Variants in NTN1 observed in about 807,000 individuals in gnomAD.
NTN1 encodes netrin 1, also known as netrin-1.
In NTN1, 11 loss-of-function variants were observed where a neutral mutation model predicts 54.2. That is an observed-to-expected ratio of 0.20 (90% CI 0.13 to 0.34). The LOEUF (loss-of-function observed/expected upper bound fraction) is 0.34. NTN1 is among the 10% of genes least tolerant of loss of function. NTN1 has a pLI of 1.00. For synonymous variants in NTN1, 371 were observed against 382.0 expected (o/e 0.97, Z 0.33); for missense variants, 740 against 893.1 (o/e 0.83, Z 2.18).
At chr17:9,218,378 G>A (rs1905258408) in intron 5 of NTN1, among the ~76,000 whole-genome samples, 1 of 152,230 alleles carries the variant, frequency 6.6e-6, no homozygotes, top group Admixed American at 6.5e-5. Flanking sequence ...ACAGTGCCCA[G>A]CGCCTCATTA....
chr17:9,092,051 G>C (rs1202050054), intron 2 of NTN1, among the ~76,000 whole-genome samples: 1 of 150,498 alleles, frequency 6.6e-6, no homozygotes, highest in East Asian at 2.0e-4. Context: ...CACCACGTCC[G>C]GCTAATTTTT....
At chr17:9,133,897 G>GC (rs1466813653) in intron 2 of NTN1, among the ~76,000 whole-genome samples, 2 of 131,936 alleles carry the variant, frequency 1.5e-5, no homozygotes, top group African/African-American at 2.9e-5. Context: ...ACTGGGCCTA[G>GC]CCTTTTTTTT....
intron 2 of NTN1, among the ~76,000 whole-genome samples, chr17:9,067,344 G>A (rs1163265200): frequency 1.3e-5 from 2 of 152,080 alleles, no homozygotes; most frequent in Non-Finnish European, 2.9e-5. Flanking sequence ...ACAGCTTCAA[G>A]TGTGGAAGTT....
At chr17:9,137,198 A>G (rs1266149986) in intron 2 of NTN1, among the ~76,000 whole-genome samples, 1 of 152,132 alleles carries the variant, frequency 6.6e-6, no homozygotes, top group African/African-American at 2.4e-5. Flanking sequence ...AGTGCCTGGA[A>G]TTTGAGTTTT....
chr17:9,192,613 G>A (rs1377085692), intron 5 of NTN1, among the ~76,000 whole-genome samples: 1 of 152,176 alleles, frequency 6.6e-6, no homozygotes, highest in Non-Finnish European at 1.5e-5. Flanking sequence ...CAACAGAGAA[G>A]TACCTGGCCC....
chr17:9,196,322 T>C (rs1463597220), intron 5 of NTN1, among the ~76,000 whole-genome samples: 1 of 152,214 alleles, frequency 6.6e-6, no homozygotes, highest in African/African-American at 2.4e-5. Context: ...GGACATTGTT[T>C]AGGCAGTCGC....
chr17:9,215,285 A>G lies in NTN1; in HGVS notation c.1412-5883A>G, dbSNP rs72811997. On this transcript the variant is annotated intron_variant, in intron 5 of 6. Coordinates refer to ENST00000173229, the MANE Select transcript of NTN1 (RefSeq NM_004822.3). ...CACACACACACACACACACACACAC[A>G]CACATACACACATGGGGACAGAGAA... Among the ~76,000 whole-genome samples the G allele has an allele frequency of 9.5e-3, 1,431 of 151,370 alleles. 8 individuals carry two copies. The highest frequency in any genetic ancestry group is 0.017 in the Middle Eastern group (5 of 294).
chr17:9,085,770 C>T (rs2092088157), intron 2 of NTN1, among the ~76,000 whole-genome samples: 1 of 152,104 alleles, frequency 6.6e-6, no homozygotes, highest in South Asian at 2.1e-4. Context: ...AGCCAATCAG[C>T]GAATAGGTTT....
At chr17:9,186,653 C>T (rs892349690) in intron 5 of NTN1, among the ~76,000 whole-genome samples, 2 of 152,232 alleles carry the variant, frequency 1.3e-5, no homozygotes, top group Admixed American at 6.5e-5. Context: ...CTCCACAGAG[C>T]CCGGCAGCTG....
chr17:9,088,812 A>G (rs1314362090), intron 2 of NTN1, among the ~76,000 whole-genome samples: 1 of 152,202 alleles, frequency 6.6e-6, no homozygotes, highest in Non-Finnish European at 1.5e-5. Flanking sequence ...TTCTCCTTCC[A>G]GTATCAAGAG....
At chr17:9,019,334 CTGTG>C (rs577945676), upstream of NTN1, among the ~76,000 whole-genome samples, 1 of 152,102 alleles carries the variant, frequency 6.6e-6, no homozygotes, top group Non-Finnish European at 1.5e-5. Context: ...TGACATTATA[CTGTG>C]TGTTTTTAAT....
In NTN1 at chr17:9,188,635, CCTTTGGAGGGGATGGCGGA is replaced by C. The variant is rs1904355707; in HGVS notation, c.1411+5667_1411+5685del. Among the ~76,000 whole-genome samples, 5 of 152,184 alleles carry C rather than the reference CCTTTGGAGGGGATGGCGGA, an allele frequency of 3.3e-5. No homozygotes were observed. The South Asian group carries it at 1.0e-3, about 32-fold the overall frequency. ...TGTCTTCCTGTCGCCTCACTGGGAA[CCTTTGGAGGGGATGGCGGA>C]AGTCGTCTGTCGTCTTCCAGCCCTT... On this transcript the variant is annotated intron_variant, in intron 5 of 6. Coordinates refer to ENST00000173229, the MANE Select transcript of NTN1 (RefSeq NM_004822.3).
intron 5 of NTN1, among the ~76,000 whole-genome samples, chr17:9,195,341 A>G (rs1234971918): frequency 6.6e-6 from 1 of 152,196 alleles, no homozygotes; most frequent in Non-Finnish European, 1.5e-5. Flanking sequence ...GGATAAAGGG[A>G]TGAGCTGGGA....
rs566632270 is a variant in NTN1, at chr17:9,154,796, A to T, written c.1019-8017A>T. Among the ~76,000 whole-genome samples, 28 of 152,350 alleles carry T rather than the reference A, an allele frequency of 1.8e-4. No individual in the cohort carries two copies. In the East Asian group the frequency reaches 5.4e-3, roughly 29 times the overall value. On this transcript the variant is annotated intron_variant, in intron 2 of 6. Transcript: ENST00000173229. The stretch of plus-strand genomic sequence containing the variant: ...TTAAAAATAACTCTCAAGTATTTTT[A>T]TGATTCTGAACCAGTCATTTAAGGA...
At chr17:9,217,488 G>A (rs576200822) in intron 5 of NTN1, among the ~76,000 whole-genome samples, 2 of 152,314 alleles carry the variant, frequency 1.3e-5, no homozygotes, top group East Asian at 1.9e-4. Flanking sequence ...GCATTTTAAA[G>A]GTGTGGTTTG....
chr17:9,159,229 C>T (rs2092351047), intron 2 of NTN1, among the ~76,000 whole-genome samples: 1 of 152,126 alleles, frequency 6.6e-6, no homozygotes, highest in South Asian at 2.1e-4. Context: ...ATGGCATGAA[C>T]AGGCAATGCA....
chr17:9,226,434 AGGCGGTCTCGTGGG>A lies in NTN1; in HGVS notation c.1486+5194_1486+5207del, dbSNP rs1905555532. ...GCCGTGGGGAGGCGGTCTCGTGGGG[AGGCGGTCTCGTGGG>A]GAGGCTGTCTCGTGGGGAGGCTGTC... is the stretch of plus-strand genomic sequence containing the variant. On this transcript the variant is annotated intron_variant, in intron 6 of 6. Coordinates refer to ENST00000173229, the MANE Select transcript of NTN1 (RefSeq NM_004822.3). 2.0e-5 allele frequency among the ~76,000 whole-genome samples: 2 copies of A among 99,154 alleles called. 1 individual carries two copies. The allele number at this position is 99,154 out of a possible 152,430, so 65.0% of individuals were successfully genotyped here.
At chr17:9,039,289 A>T (rs187436180) in intron 2 of NTN1, among the ~76,000 whole-genome samples, 1 of 152,324 alleles carries the variant, frequency 6.6e-6, no homozygotes, top group African/African-American at 2.4e-5. Flanking sequence ...TACAAATGCC[A>T]TTAGTAATTT....
At chr17:9,045,347 C>T (rs2091938509) in intron 2 of NTN1, among the ~76,000 whole-genome samples, 1 of 152,200 alleles carries the variant, frequency 6.6e-6, no homozygotes, top group South Asian at 2.1e-4. Context: ...GGGGTGCCAC[C>T]TCCCGTCATG....
Sources: allele counts gnomAD v4.1 joint callset (sites outside exome capture counted in the v4.1 genomes callset), GRCh38; gene constraint gnomAD v4.1.1; transcripts MANE v1.5; gene names NCBI Gene and HGNC (gene_info 2026-07-23, HGNC 2026-07-21).